The following OSBPL10 variants were observed in gnomAD, a reference collection of about 807,000 sequenced individuals.
The protein encoded by OSBPL10 is oxysterol binding protein like 10, also known as oxysterol-binding protein-related protein 10.
Under a neutral mutation model 81.7 loss-of-function variants are expected in OSBPL10, and 49 were observed. The ratio of observed to expected loss-of-function variants is 0.60; its 90% CI spans 0.48 to 0.76. The LOEUF is 0.76. OSBPL10 is among the 30% of genes least tolerant of loss of function. OSBPL10 has a pLI of 0.00. For missense variants in OSBPL10, 923 were observed against 987.8 expected, an observed-to-expected ratio of 0.93 and a Z score of 0.88; for synonymous variants, 419 against 383.6, an observed-to-expected ratio of 1.09 and a Z score of -1.08.
chr3:31,738,054 T>C (rs1575511326), intron 5 of OSBPL10, among the ~76,000 whole-genome samples: 1 of 147,542 alleles, frequency 6.8e-6, no homozygotes, highest in Admixed American at 6.8e-5. Flanking sequence ...ATCCAAGAGA[T>C]AAAGGATCCA....
chr3:31,733,418 TAA>T lies in OSBPL10; in HGVS notation c.941-9_941-8del. On this transcript the variant is annotated splice_polypyrimidine_tract_variant and splice_region_variant and intron_variant, in intron 5 of 11. Transcript: ENST00000396556. Reference sequence around the variant, plus strand: ...TGCCATCCCAGGATGTTTTCTGAAATAAAGACCTAGAATGATGCCAAGTATTT... The same window carrying T: ...TGCCATCCCAGGATGTTTTCTGAAATAGACCTAGAATGATGCCAAGTATTT... 6.2e-7 allele frequency: 1 copy of T among 1,614,170 alleles called. No individual in the cohort carries two copies. Among genetic ancestry groups the T allele is most frequent in the Non-Finnish European group, 8.5e-7 (1 of 1,180,010 alleles).
chr3:31,662,306 A>G (rs982700504), intron 11 of OSBPL10, 190 bp from the exon 12 acceptor site: 57 of 1,321,812 alleles, frequency 4.3e-5, no homozygotes, highest in Non-Finnish European at 5.3e-5. Flanking sequence ...TGACCTTCCT[A>G]CCCTGGCATG....
Position 31,867,319 on chromosome 3 carries a change from C to A in OSBPL10, c.537+9114G>T, listed in dbSNP as rs535512289. On this transcript the variant is annotated intron_variant, in intron 3 of 11. Transcript: ENST00000396556. ...CTACTTCAAATACATCTACATATAT[C>A]TACATTTTCTTGCTTTTTTATCCAT... is the stretch of plus-strand genomic sequence containing the variant. Among the ~76,000 whole-genome samples the A allele has an allele frequency of 7.9e-5, 12 of 152,284 alleles. No homozygotes were observed. The South Asian group carries it at 2.5e-3, about 32-fold the overall frequency.
intron 7 of OSBPL10, among the ~76,000 whole-genome samples, chr3:31,685,032 C>A (rs1395706124): frequency 1.3e-5 from 2 of 152,114 alleles, no homozygotes; most frequent in African/African-American, 4.8e-5. Flanking sequence ...ACCCCAAATG[C>A]CTGTAACCCA....
At chr3:31,748,913 ATCC>A (rs773202209) in intron 4 of OSBPL10, among the ~76,000 whole-genome samples, 3 of 152,210 alleles carry the variant, frequency 2.0e-5, no homozygotes, top group Non-Finnish European at 4.4e-5. Context: ...TGTGAAGTTC[ATCC>A]TCCTCATGTT....
chr3:31,701,521 G>A (rs535309568), intron 7 of OSBPL10, among the ~76,000 whole-genome samples: 11 of 152,104 alleles, frequency 7.2e-5, no homozygotes, highest in East Asian at 1.9e-4. Context: ...CGCCTCATGC[G>A]ATTCTCACAC....
intron 6 of OSBPL10, among the ~76,000 whole-genome samples, chr3:31,713,667 G>C (rs1372871286): frequency 6.6e-6 from 1 of 152,048 alleles, no homozygotes; most frequent in South Asian, 2.1e-4. Flanking sequence ...AAAGTGCTGG[G>C]ATTACAGGCA....
intron 4 of OSBPL10, among the ~76,000 whole-genome samples, chr3:31,791,622 C>CATG (rs1293173132): frequency 6.6e-6 from 1 of 151,928 alleles, no homozygotes; most frequent in African/African-American, 2.4e-5. Context: ...TAAGACAGCA[C>CATG]ACTAGTGACT....
At chr3:31,714,023 G>C (rs1439747496) in intron 6 of OSBPL10, 1 of 152,238 alleles carries the variant, frequency 6.6e-6, no homozygotes, top group Non-Finnish European at 1.5e-5. Context: ...AACTGCTGAA[G>C]ATTCTGAGGA....
chr3:31,859,200 C>T (rs1357596876), intron 3 of OSBPL10, among the ~76,000 whole-genome samples: 4 of 151,902 alleles, frequency 2.6e-5, no homozygotes, highest in African/African-American at 9.7e-5. Flanking sequence ...TAATTCCCTA[C>T]ATTGTCTATC....
chr3:31,958,827 T>C (rs1189595443), intron 1 of OSBPL10, among the ~76,000 whole-genome samples: 1 of 152,240 alleles, frequency 6.6e-6, no homozygotes, highest in Non-Finnish European at 1.5e-5. Flanking sequence ...CATGTCTATT[T>C]GTTTACATAT....
At chr3:31,891,264 T>C (rs1695884024) in intron 1 of OSBPL10, among the ~76,000 whole-genome samples, 2 of 152,172 alleles carry the variant, frequency 1.3e-5, no homozygotes, top group Admixed American at 6.5e-5. Context: ...GGAAGTTGGT[T>C]AAAACACAGC....
intron 6 of OSBPL10, among the ~76,000 whole-genome samples, chr3:31,709,992 G>A (rs950877634): frequency 1.1e-4 from 17 of 152,222 alleles, no homozygotes; most frequent in African/African-American, 3.1e-4. Flanking sequence ...AGGCAGCACC[G>A]ATCACAGGAA....
intron 3 of OSBPL10, among the ~76,000 whole-genome samples, chr3:31,859,510 C>T (rs1701010218): frequency 6.6e-6 from 1 of 152,234 alleles, no homozygotes; most frequent in Admixed American, 6.5e-5. Flanking sequence ...TTGTTCTCAT[C>T]AGTGCCACGC....
At chr3:31,815,084 G>C (rs1699803973) in intron 4 of OSBPL10, among the ~76,000 whole-genome samples, 1 of 151,966 alleles carries the variant, frequency 6.6e-6, no homozygotes, top group Admixed American at 6.6e-5. Context: ...GTAAGAATCT[G>C]AAGTGGCCAC....
At chr3:31,731,678 G>A (rs1284815478) in intron 6 of OSBPL10, among the ~76,000 whole-genome samples, 3 of 151,812 alleles carry the variant, frequency 2.0e-5, no homozygotes, top group Non-Finnish European at 2.9e-5. Flanking sequence ...TAGTAGAGAT[G>A]GGGTTTCACC....
At chr3:31,963,905 C>A (rs1157711495) in intron 1 of OSBPL10, among the ~76,000 whole-genome samples, 1 of 151,956 alleles carries the variant, frequency 6.6e-6, no homozygotes, top group Non-Finnish European at 1.5e-5. Flanking sequence ...TCCCGAGTAG[C>A]TGGGACTAAT....
At chr3:31,820,046 C>T (rs1699940881) in intron 4 of OSBPL10, among the ~76,000 whole-genome samples, 1 of 151,962 alleles carries the variant, frequency 6.6e-6, no homozygotes, top group Non-Finnish European at 1.5e-5. Flanking sequence ...GGTTCTGTTT[C>T]TCTGGTTGAA....
intron 4 of OSBPL10, among the ~76,000 whole-genome samples, chr3:31,749,950 G>A (rs6809384): frequency 0.17 from 25,259 of 152,060 alleles, 2,762 homozygotes; most frequent in African/African-American, 0.31. Flanking sequence ...GGAGGCTAAG[G>A]CGGGTGGATC....
Sources: gnomAD v4.1 joint callset for allele counts (sites outside exome capture counted in the v4.1 genomes callset) on GRCh38, gnomAD v4.1.1 for gene constraint, MANE v1.5 for transcripts, NCBI Gene and HGNC (gene_info 2026-07-23, HGNC 2026-07-21) for gene names.